WDR45B: variants seen among roughly 807,000 people sequenced by gnomAD.
WDR45B encodes the protein WD repeat domain 45B.
A neutral mutation model predicts 44.6 loss-of-function variants in WDR45B; 20 were observed. The observed-to-expected ratio is 0.45, with a 90% confidence interval of 0.32 to 0.65. The LOEUF (loss-of-function observed/expected upper bound fraction) is 0.65. Among genes scored for constraint, WDR45B ranks in the 30% least tolerant of loss-of-function variants. The pLI, the probability that WDR45B is intolerant of heterozygous loss-of-function variation, is 0.05. For missense variants in WDR45B, 323 were observed against 430.2 expected (o/e 0.75, Z 2.20); for synonymous variants, 169 against 164.9 (o/e 1.02, Z -0.19).
intron 5 of WDR45B, among the ~76,000 whole-genome samples, chr17:82,622,876 GTATT>G (rs2045637994): frequency 6.6e-6 from 1 of 152,084 alleles, no homozygotes; most frequent in Admixed American, 6.6e-5. Flanking sequence ...AAAAAACCTT[GTATT>G]TATTTAATCA....
chr17:82,622,341 T>G, intron 5 of WDR45B, among the ~76,000 whole-genome samples: 1 of 152,212 alleles, frequency 6.6e-6, no homozygotes, highest in East Asian at 1.9e-4. Context: ...ACAGTCAGTG[T>G]GATCACAGCT....
At chr17:82,637,184 T>C (rs1449477265) in intron 2 of WDR45B, among the ~76,000 whole-genome samples, 1 of 151,988 alleles carries the variant, frequency 6.6e-6, no homozygotes, top group Non-Finnish European at 1.5e-5. Context: ...AAAGAAGAAA[T>C]GCCCAAGCCT....
chr17:82,621,533 G>C (rs560231510), intron 6 of WDR45B, 76 bp downstream of exon 6: 1 of 1,597,080 alleles, frequency 6.3e-7, no homozygotes, highest in East Asian at 2.2e-5. Flanking sequence ...TTTGAGTCTT[G>C]ATACAGGGAA....
intron 3 of WDR45B, among the ~76,000 whole-genome samples, chr17:82,627,978 G>C (rs1043141097): frequency 6.6e-6 from 1 of 152,162 alleles, no homozygotes; most frequent in African/African-American, 2.4e-5. Context: ...CAAGGTCCTG[G>C]GTTGTTCTTC....
chr17:82,643,382 G>A (rs964824613), intron 2 of WDR45B, among the ~76,000 whole-genome samples: 2 of 151,628 alleles, frequency 1.3e-5, no homozygotes, highest in East Asian at 1.9e-4. Context: ...GCAATGAGCC[G>A]AGGTCATGCC....
intron 1 of WDR45B, chr17:82,644,282 G>A: frequency 3.8e-6 from 2 of 523,650 alleles, no homozygotes; most frequent in South Asian, 4.1e-5. Flanking sequence ...GGCCTTCTGT[G>A]GCATCCCCAT....
intron 4 of WDR45B, among the ~76,000 whole-genome samples, chr17:82,626,294 T>C (rs1270993547): frequency 1.3e-5 from 2 of 151,194 alleles, no homozygotes; most frequent in East Asian, 2.0e-4. Context: ...TCCCAGCACT[T>C]TGGGAGGCTG....
chr17:82,633,151 A>G (rs1429211069), intron 2 of WDR45B, among the ~76,000 whole-genome samples: 1 of 121,254 alleles, frequency 8.2e-6, no homozygotes, highest in Non-Finnish European at 1.7e-5. Flanking sequence ...CGAAGGAGGG[A>G]GACTCCATCT....
intron 3 of WDR45B, among the ~76,000 whole-genome samples, chr17:82,630,283 GCCTCCCACCTCCCCCACCCAGCCTA>G (rs2045750336): frequency 6.7e-6 from 1 of 148,448 alleles, no homozygotes; most frequent in Admixed American, 6.7e-5. Context: ...CCCCAGATCT[GCCTCCCACCTCCCCCACCCAGCCTA>G]CCTCCCGCCT....
chr17:82,614,570 C>T lies in WDR45B; in HGVS notation c.*1349G>A, dbSNP rs1048128644. On this transcript the variant is annotated 3_prime_UTR_variant, in exon 10 of 10. Coordinates refer to ENST00000392325, the MANE Select transcript of WDR45B (RefSeq NM_019613.4). ...CACAATTCTACTTCCCATTACAGGT[C>T]CAGACTACAACAAAATTAGTCACTT... The T allele has an allele frequency of 1.3e-5, 2 of 152,558 alleles. No individual in the cohort carries two copies. Among genetic ancestry groups the T allele is most frequent in the Non-Finnish European group, 2.9e-5 (2 of 68,042 alleles). The allele number at this position is 152,558 out of a possible 1,614,324, so 9.5% of individuals were successfully genotyped here. A position where few individuals can be genotyped will look rare whatever the true frequency, so the allele number is the denominator to read the frequency against.
rs1350962566 is a variant in WDR45B at position 82,621,840 on chromosome 17, A to G, written c.428-41T>C. 7 of 1,608,712 alleles carry G rather than the reference A, an allele frequency of 4.4e-6. No individual in the cohort carries two copies. In the African/African-American group the frequency reaches 5.3e-5, roughly 12 times the overall value. On this transcript the variant is annotated intron_variant, in intron 5 of 9. Transcript: ENST00000392325. ...GGACACCAATCAAGAACTGCCTTTG[A>G]TTTCTCACAGCCAAAGTCCACTTTC... is the stretch of plus-strand genomic sequence containing the variant.
intron 2 of WDR45B, among the ~76,000 whole-genome samples, chr17:82,637,373 C>T (rs931642526): frequency 2.0e-5 from 3 of 151,988 alleles, no homozygotes; most frequent in Admixed American, 6.5e-5. Flanking sequence ...ACCCTCTCCT[C>T]TAATCATGGT....
At chr17:82,621,233 T>C (rs567112805) in intron 6 of WDR45B, among the ~76,000 whole-genome samples, 2 of 152,226 alleles carry the variant, frequency 1.3e-5, no homozygotes, top group African/African-American at 4.8e-5. Flanking sequence ...TTTGTATTTT[T>C]AGTAGAGACG....
At chr17:82,628,753 G>A (rs1024360107) in intron 3 of WDR45B, among the ~76,000 whole-genome samples, 6 of 151,182 alleles carry the variant, frequency 4.0e-5, no homozygotes, top group African/African-American at 1.2e-4. Flanking sequence ...TAATCCCAGC[G>A]CTTTGGGAGG....
intron 4 of WDR45B, among the ~76,000 whole-genome samples, chr17:82,626,484 G>C (rs904898895): frequency 4.7e-5 from 6 of 128,798 alleles, no homozygotes; most frequent in African/African-American, 1.9e-4. Context: ...AGTGAACTGA[G>C]ATTGTGCCAC....
At chr17:82,622,814 C>T (rs560168282) in intron 5 of WDR45B, among the ~76,000 whole-genome samples, 9 of 151,112 alleles carry the variant, frequency 6.0e-5, no homozygotes, top group African/African-American at 1.9e-4. Flanking sequence ...CAGGATGGTA[C>T]TGGGATAAAG....
In WDR45B at chr17:82,640,360, T is replaced by C. The variant is rs1341680943; in HGVS notation, c.142+3589A>G. 4.6e-5 allele frequency among the ~76,000 whole-genome samples: 7 copies of C among 151,760 alleles called. No homozygotes were observed. The South Asian group carries it at 6.2e-4, about 14-fold the overall frequency. ...CTTCACTGGGATTTTTTTCTTTTTTTTTTTTTTTTAAGACAGAGTCTCACT... is the reference window on the plus strand; with the variant it reads ...CTTCACTGGGATTTTTTTCTTTTTTCTTTTTTTTTAAGACAGAGTCTCACT... On this transcript the variant is annotated intron_variant, in intron 2 of 9. Transcript: ENST00000392325.
At chr17:82,617,903 C>T (rs1447068246) in intron 7 of WDR45B, among the ~76,000 whole-genome samples, 3 of 151,866 alleles carry the variant, frequency 2.0e-5, no homozygotes, top group Admixed American at 6.6e-5. Flanking sequence ...ATAAAGCTGC[C>T]GTATTTATAA....
At chr17:82,629,764 C>T in intron 3 of WDR45B, 1 of 985,590 alleles carries the variant, frequency 1.0e-6, no homozygotes, top group South Asian at 4.7e-5. Flanking sequence ...AAGCTTGTCA[C>T]GAGTCATCTG....
Sources: allele counts gnomAD v4.1 joint callset (sites outside exome capture counted in the v4.1 genomes callset), GRCh38; gene constraint gnomAD v4.1.1; transcripts MANE v1.5; gene names NCBI Gene and HGNC (gene_info 2026-07-23, HGNC 2026-07-21).